The following ZNF354C variants were observed in gnomAD, a reference collection of about 807,000 sequenced individuals.
The protein encoded by ZNF354C is KRAB-zinc finger protein synten.
Under a neutral mutation model 12.4 loss-of-function variants are expected in ZNF354C, and 7 were observed. That is an observed-to-expected ratio of 0.56 (90% confidence interval 0.32 to 1.06). The LOEUF (loss-of-function observed/expected upper bound fraction) is 1.06. ZNF354C is among the 50% of genes least tolerant of loss of function. ZNF354C has a pLI of 0.04. For synonymous variants in ZNF354C, 202 were observed against 224.5 expected, an observed-to-expected ratio of 0.90 and a Z score of 0.90; for missense variants, 609 against 658.0, an observed-to-expected ratio of 0.93 and a Z score of 0.81.
At position 179,080,199 on chromosome 5, in the gene ZNF354C, A is replaced by G. The variant is rs1259832640; in HGVS notation, c.*102A>G. ...TTGTCTTTTTTACTTCTCCTGAAGG[A>G]AATATGTTAGTTGCCACTAAGTCAT... On this transcript the variant is annotated 3_prime_UTR_variant, in exon 5 of 5. Coordinates refer to ENST00000315475, the MANE Select transcript of ZNF354C (RefSeq NM_014594.3). 4.7e-6 allele frequency: 4 copies of G among 858,226 alleles called. No individual in the cohort carries two copies. The highest frequency in any genetic ancestry group is 7.0e-6 in the Non-Finnish European group (4 of 573,770). 53.2% of individuals were successfully genotyped at this position (858,226 alleles called of 1,614,324 possible). A position where few individuals can be genotyped will look rare whatever the true frequency, so the allele number is the denominator to read the frequency against.
chr5:179,067,414 C>G (rs1761972535), intron 2 of ZNF354C, among the ~76,000 whole-genome samples: 1 of 152,002 alleles, frequency 6.6e-6, no homozygotes, highest in Non-Finnish European at 1.5e-5. Context: ...TGCATCATTT[C>G]CATTGAATTC....
At position 179,075,688 on chromosome 5, in the gene ZNF354C, A is replaced by G. The variant is rs1762108626; in HGVS notation, c.28-757A>G. On this transcript the variant is annotated intron_variant, in intron 2 of 4. Coordinates refer to ENST00000315475, the MANE Select transcript of ZNF354C (RefSeq NM_014594.3). ...ACAGATGTAGAGTTTTTCAACAAAT[A>G]TAGATTCTTTTGTGGCTGGCTTTTT... Among the ~76,000 whole-genome samples, 3 of 152,148 alleles carry G rather than the reference A, an allele frequency of 2.0e-5. No homozygotes were observed. In the South Asian group the frequency reaches 6.2e-4, roughly 32 times the overall value.
Position 179,064,367 on chromosome 5 carries a change from T to C in ZNF354C, c.27+2272T>C, listed in dbSNP as rs1033072595. Among the ~76,000 whole-genome samples, 20 of 151,912 alleles carry C rather than the reference T, an allele frequency of 1.3e-4. 1 individual carries two copies. Among genetic ancestry groups the C allele is most frequent in the Admixed American group, 1.3e-3 (20 of 15,242 alleles). On this transcript the variant is annotated intron_variant, in intron 2 of 4. Coordinates refer to ENST00000315475, the MANE Select transcript of ZNF354C (RefSeq NM_014594.3). ...CTCCTGCGATCCTCCTGCCTTGGCT[T>C]CCCAAAGTGCTGGATTATAGGTGTG...
rs369070172 is a variant in ZNF354C at position 179,079,328 on chromosome 5, C to G, written c.896C>G (p.Pro299Arg). 1.7e-5 allele frequency: 28 copies of G among 1,613,956 alleles called. No individual in the cohort carries two copies. Among genetic ancestry groups the G allele is most frequent in the Non-Finnish European group, 2.3e-5 (27 of 1,180,014 alleles). Residue 299 changes from proline to arginine, a missense_variant, in exon 5 of 5, where the codon CCG becomes CGG. Physicochemically the swap from Pro to Arg is moderately radical, Grantham distance 103 (BLOSUM62 -2). Transcript: ENST00000315475. The surrounding 1 kb of genome is among the most constrained non-coding windows in gnomAD (Gnocchi z 4.2). ...CTGAGAGTGCATACTGGAGAGAAAC[C>G]GTATCGATGTAGGGAATGTGGTAAA... ...KHLRVHTGEK[P>R]YRCRECGKAF...
intron 2 of ZNF354C, among the ~76,000 whole-genome samples, chr5:179,071,912 A>C (rs1177420423): frequency 6.6e-6 from 1 of 152,212 alleles, no homozygotes; most frequent in Non-Finnish European, 1.5e-5. Flanking sequence ...GAGAGGTGGC[A>C]GAGTTCGGAA....
rs1240728727 is a variant in ZNF354C at position 179,080,172 on chromosome 5, A to T, written c.*75A>T. ...TAAATAGGGTACAAACTCCTAATAG[A>T]TTTGTCTTTTTTACTTCTCCTGAAG... On this transcript the variant is annotated 3_prime_UTR_variant, in exon 5 of 5. Coordinates refer to ENST00000315475, the MANE Select transcript of ZNF354C (RefSeq NM_014594.3). 2 of 1,165,548 alleles carry T rather than the reference A, an allele frequency of 1.7e-6. No homozygotes were observed. Among genetic ancestry groups the T allele is most frequent in the East Asian group, 4.9e-5 (2 of 40,862 alleles). The allele number at this position is 1,165,548 out of a possible 1,614,324, so 72.2% of individuals were successfully genotyped here.
chr5:179,080,728 A>C lies in ZNF354C; in HGVS notation c.*631A>C, dbSNP rs1762216055. ...TATTGATTTAGAATTTAGTTCTTAA[A>C]ATCTTGCCCAAAGGTAGACTCTCTT... is the stretch of plus-strand genomic sequence containing the variant. On this transcript the variant is annotated 3_prime_UTR_variant, in exon 5 of 5. Coordinates refer to ENST00000315475, the MANE Select transcript of ZNF354C (RefSeq NM_014594.3). 7.2e-6 allele frequency: 1 copy of C among 139,742 alleles called. No individual in the cohort carries two copies. The highest frequency in any genetic ancestry group is 2.6e-4 in the South Asian group (1 of 3,896). The allele number at this position is 139,742 out of a possible 1,614,324, so 8.7% of individuals were successfully genotyped here.
intron 2 of ZNF354C, among the ~76,000 whole-genome samples, chr5:179,071,588 G>C (rs1326091441): frequency 1.3e-5 from 2 of 152,138 alleles, no homozygotes; most frequent in Non-Finnish European, 2.9e-5. Flanking sequence ...ATTGTCACCA[G>C]ATAAATTTTC....
intron 2 of ZNF354C, among the ~76,000 whole-genome samples, chr5:179,065,481 A>AG (rs1561747668): frequency 6.6e-6 from 1 of 151,842 alleles, no homozygotes; most frequent in South Asian, 2.1e-4. Context: ...CAATGATGCG[A>AG]TCTTGGCTCA....
chr5:179,069,836 A>G (rs1462492631), intron 2 of ZNF354C, among the ~76,000 whole-genome samples: 4 of 152,228 alleles, frequency 2.6e-5, no homozygotes, highest in Non-Finnish European at 4.4e-5. Flanking sequence ...CCTGCACTCC[A>G]GCCTGGGCGA....
chr5:179,066,173 TA>T (rs1761955918), intron 2 of ZNF354C, among the ~76,000 whole-genome samples: 1 of 152,258 alleles, frequency 6.6e-6, no homozygotes, highest in African/African-American at 2.4e-5. Context: ...AATTATGCTT[TA>T]AAAACTTTTT....
intron 2 of ZNF354C, among the ~76,000 whole-genome samples, chr5:179,072,920 T>C (rs1242391397): frequency 2.6e-5 from 4 of 152,176 alleles, no homozygotes; most frequent in African/African-American, 4.8e-5. Context: ...AGATAACATA[T>C]CGCAATTCAG....
At position 179,079,505 on chromosome 5, in the gene ZNF354C, G is replaced by C. The variant is rs762236380; in HGVS notation, c.1073G>C (p.Cys358Ser). 6.2e-7 allele frequency: 1 copy of C among 1,614,186 alleles called. No individual in the cohort carries two copies. The highest frequency in any genetic ancestry group is 1.7e-5 in the Admixed American group (1 of 60,024). ...RIHTGEKPYK[C>S]SECGKGYSQF... ...CATACAGGTGAGAAACCCTATAAATGTAGTGAGTGTGGGAAGGGATACAGC... is the reference window on the plus strand; with the variant it reads ...CATACAGGTGAGAAACCCTATAAATCTAGTGAGTGTGGGAAGGGATACAGC... The change falls in exon 5 of 5, where the codon TGT becomes TCT. Residue 358 changes from cysteine (C) to serine (S), a missense_variant. Coordinates refer to ENST00000315475, the MANE Select transcript of ZNF354C (RefSeq NM_014594.3). The surrounding 1 kb of genome is among the most constrained non-coding windows in gnomAD (Gnocchi z 4.2).
chr5:179,076,178 G>A (rs1174114142), intron 2 of ZNF354C, among the ~76,000 whole-genome samples: 1 of 152,184 alleles, frequency 6.6e-6, no homozygotes, highest in African/African-American at 2.4e-5. Context: ...AAAGATCCCA[G>A]GCTGGTATTT....
Position 179,079,557 on chromosome 5 carries a change from G to C in ZNF354C, c.1125G>C (p.Gln375His), listed in dbSNP as rs35035988. 1.2e-6 allele frequency: 2 copies of C among 1,614,168 alleles called. No individual in the cohort carries two copies. Among genetic ancestry groups the C allele is most frequent in the Non-Finnish European group, 1.7e-6 (2 of 1,180,026 alleles). Residue 375 changes from glutamine (Q) to histidine (H), a missense_variant, in exon 5 of 5, where the codon CAG (glutamine) becomes CAC (histidine). Transcript: ENST00000315475. This position sits in a 1 kb window ranked among gnomAD's most constrained non-coding sequence, Gnocchi z 4.2. Reference sequence around the variant, plus strand: ...AGTTTACATCTCTAGCTGAACATCAGAGGTTTCATACTGGAGAACAACTGT... The same window carrying C: ...AGTTTACATCTCTAGCTGAACATCACAGGTTTCATACTGGAGAACAACTGT... ...YSQFTSLAEH[Q>H]RFHTGEQLYT... is the part of the protein sequence containing the mutation.
At chr5:179,069,643 C>A (rs532374788) in intron 2 of ZNF354C, among the ~76,000 whole-genome samples, 81 of 150,490 alleles carry the variant, frequency 5.4e-4, no homozygotes, top group African/African-American at 1.7e-3. Context: ...AGGCGGGTGG[C>A]TCACGAGATC....
intron 2 of ZNF354C, among the ~76,000 whole-genome samples, chr5:179,073,046 T>C (rs999154804): frequency 1.3e-5 from 2 of 152,050 alleles, no homozygotes; most frequent in African/African-American, 4.8e-5. Flanking sequence ...CTGAAAAAAA[T>C]TGTACTACAT....
At chr5:179,063,915 G>T (rs1447810508) in intron 2 of ZNF354C, among the ~76,000 whole-genome samples, 2 of 152,220 alleles carry the variant, frequency 1.3e-5, no homozygotes, top group African/African-American at 4.8e-5. Context: ...CACTATTTTA[G>T]GACCTGCCAG....
chr5:179,061,087 G>A (rs113099730), intron 1 of ZNF354C, among the ~76,000 whole-genome samples: 21 of 152,362 alleles, frequency 1.4e-4, no homozygotes, highest in African/African-American at 4.8e-4. Flanking sequence ...CTTCCTGGGA[G>A]GAGGTGCGCT....
Sources: gnomAD v4.1 joint callset for allele counts (sites outside exome capture counted in the v4.1 genomes callset) on GRCh38, gnomAD v4.1.1 for gene constraint, Gnocchi (gnomAD v3.1) non-coding constraint, MANE v1.5 for transcripts, NCBI Gene and HGNC (gene_info 2026-07-23, HGNC 2026-07-21) for gene names.